The following CALN1 variants were observed in gnomAD, a reference collection of about 807,000 sequenced individuals.
CALN1 encodes the protein calcium-binding protein 8.
CALN1 carries 17 observed loss-of-function variants against 30.6 expected under a neutral mutation model. The observed-to-expected ratio is 0.56, with a 90% CI of 0.38 to 0.83. CALN1 has a LOEUF of 0.83. Among genes scored for constraint, CALN1 ranks in the 40% least tolerant of loss-of-function variants. The probability of loss-of-function intolerance (pLI) is 0.00; values close to 1 mark genes in which losing one functional copy is unlikely to be tolerated. For synonymous variants in CALN1, 156 were observed against 131.4 expected, an observed-to-expected ratio of 1.19 and a Z score of -1.28; for missense variants, 291 against 354.9, an observed-to-expected ratio of 0.82 and a Z score of 1.45.
intron 5 of CALN1, among the ~76,000 whole-genome samples, chr7:71,840,642 CTT>C (rs1789886087): frequency 6.6e-6 from 1 of 152,090 alleles, no homozygotes; most frequent in African/African-American, 2.4e-5. Context: ...GCTGGGCTCT[CTT>C]AGGCATTGAT....
chr7:71,906,342 C>G (rs1320921405), intron 5 of CALN1, among the ~76,000 whole-genome samples: 1 of 152,116 alleles, frequency 6.6e-6, no homozygotes, highest in Non-Finnish European at 1.5e-5. Flanking sequence ...GGGCCATGAG[C>G]CAGCAGGCAG....
chr7:72,262,164 C>CGCA (rs1796310274), intron 3 of CALN1, among the ~76,000 whole-genome samples: 1 of 152,154 alleles, frequency 6.6e-6, no homozygotes, highest in Non-Finnish European at 1.5e-5. Flanking sequence ...CCATCACCAC[C>CGCA]GCAGCTCCTA....
intron 4 of CALN1, among the ~76,000 whole-genome samples, chr7:72,100,757 T>C (rs1392336468): frequency 1.4e-5 from 2 of 146,570 alleles, no homozygotes; most frequent in Admixed American, 7.1e-5. Context: ...GAGGCGGAGC[T>C]TGCAGTGAGC....
chr7:71,984,392 C>T (rs766257115), intron 5 of CALN1, among the ~76,000 whole-genome samples: 41 of 152,160 alleles, frequency 2.7e-4, no homozygotes, highest in Non-Finnish European at 4.7e-4. Context: ...ATGAAATAAA[C>T]GGTAATTTGA....
chr7:71,997,813 T>G (rs1458871064), intron 5 of CALN1, among the ~76,000 whole-genome samples: 1 of 152,122 alleles, frequency 6.6e-6, no homozygotes, highest in Admixed American at 6.6e-5. Flanking sequence ...ATTTATGAAT[T>G]TAATTTTATT....
chr7:71,899,385 T>C lies in CALN1; in HGVS notation c.502-88893A>G, dbSNP rs947273974. Among the ~76,000 whole-genome samples the C allele has an allele frequency of 3.3e-5, 5 of 152,158 alleles. No homozygotes were observed. In the East Asian group the frequency reaches 9.7e-4, roughly 29 times the overall value. On this transcript the variant is annotated intron_variant, in intron 5 of 6. Transcript: ENST00000395275. Reference sequence around the variant, plus strand: ...CTCGAACTGCCGACCTCAGGTGATATGCCCACCTTGGCCTCCCAAAGTGCT... The same window carrying C: ...CTCGAACTGCCGACCTCAGGTGATACGCCCACCTTGGCCTCCCAAAGTGCT...
chr7:72,369,695 T>C (rs1006861900), intron 2 of CALN1, among the ~76,000 whole-genome samples: 12 of 152,154 alleles, frequency 7.9e-5, no homozygotes, highest in African/African-American at 2.4e-4. Context: ...AGAATTACCA[T>C]AGTTTGCATT....
chr7:72,120,034 G>C (rs954754988), intron 3 of CALN1, among the ~76,000 whole-genome samples: 8 of 152,076 alleles, frequency 5.3e-5, no homozygotes, highest in Admixed American at 3.9e-4. Context: ...GCTGAGGCTT[G>C]GGGCAAGAAT....
chr7:71,802,257 C>T (rs1787354375), intron 6 of CALN1, among the ~76,000 whole-genome samples: 1 of 152,070 alleles, frequency 6.6e-6, no homozygotes, highest in African/African-American at 2.4e-5. Context: ...TCCATAGATG[C>T]CAGCAACTGG....
intron 5 of CALN1, among the ~76,000 whole-genome samples, chr7:71,838,157 A>G (rs946349398): frequency 2.6e-5 from 4 of 152,210 alleles, no homozygotes; most frequent in Admixed American, 2.6e-4. Context: ...CTCTTCAAAA[A>G]AAGGAAAAAC....
At position 72,022,204 on chromosome 7, in the gene CALN1, T is replaced by C. The variant is rs557694598; in HGVS notation, c.501+1453A>G. ...CTGACCCTTCAAGACTGTATTTTCC[T>C]CCTTTCTTGCCCTTCCATTCATCTA... On this transcript the variant is annotated intron_variant, in intron 5 of 6. Coordinates refer to ENST00000395275, the MANE Select transcript of CALN1 (RefSeq NM_031468.4). Among the ~76,000 whole-genome samples the C allele has an allele frequency of 2.6e-5, 4 of 152,364 alleles. No homozygotes were observed. In the South Asian group the frequency reaches 8.3e-4, roughly 32 times the overall value.
At chr7:72,410,559 C>T (rs2129562907) in intron 1 of CALN1, among the ~76,000 whole-genome samples, 1 of 152,288 alleles carries the variant, frequency 6.6e-6, no homozygotes, top group East Asian at 1.9e-4. Context: ...CTGAAATGAG[C>T]TTTTCAAATC....
At chr7:72,466,805 G>T in the CALN1 span, among the ~76,000 whole-genome samples, 2 of 139,530 alleles carry the variant, frequency 1.4e-5, no homozygotes, top group African/African-American at 5.3e-5. Flanking sequence ...AGGAAAGGAA[G>T]AAAGGAAGAA....
chr7:72,115,707 C>T (rs982415724), intron 3 of CALN1, among the ~76,000 whole-genome samples: 1 of 151,810 alleles, frequency 6.6e-6, no homozygotes, highest in Non-Finnish European at 1.5e-5. Flanking sequence ...AGGCTGGTCT[C>T]AAACTCCTGG....
At chr7:72,261,484 G>A (rs978686720) in intron 3 of CALN1, among the ~76,000 whole-genome samples, 5 of 151,710 alleles carry the variant, frequency 3.3e-5, no homozygotes, top group Non-Finnish European at 1.5e-5. Context: ...AGTGGCTGGA[G>A]TGCGATCATA....
At chr7:72,465,669 C>T in the CALN1 span, among the ~76,000 whole-genome samples, 1 of 152,328 alleles carries the variant, frequency 6.6e-6, no homozygotes, top group African/African-American at 2.4e-5. Context: ...AAAGTACTAA[C>T]ATTATGCTAG....
At position 72,201,737 on chromosome 7, in the gene CALN1, TA is replaced by T. The variant is rs778266725; in HGVS notation, c.244+76948del. On this transcript the variant is annotated intron_variant, in intron 3 of 6. Transcript: ENST00000395275. ...ACCCATGTACAACCTTGAATCTGAT[TA>T]AAAAAAAAAAAAAAAAAAGCAGTAA... Among the ~76,000 whole-genome samples, 1,154 of 117,838 alleles carry T rather than the reference TA, an allele frequency of 9.8e-3. 9 individuals carry two copies. The highest frequency in any genetic ancestry group is 0.021 in the African/African-American group (647 of 31,068). The allele number at this position is 117,838 out of a possible 152,430, so 77.3% of individuals were successfully genotyped here. A position where few individuals can be genotyped will look rare whatever the true frequency, so the allele number is the denominator to read the frequency against.
chr7:72,016,995 A>C (rs767290668), intron 5 of CALN1, among the ~76,000 whole-genome samples: 1 of 138,602 alleles, frequency 7.2e-6, no homozygotes, highest in South Asian at 2.3e-4. Context: ...TTTACTAAAA[A>C]TACAAAAAAA....
chr7:72,291,918 T>C (rs1320426234), intron 2 of CALN1, among the ~76,000 whole-genome samples: 1 of 151,908 alleles, frequency 6.6e-6, no homozygotes, highest in East Asian at 1.9e-4. Flanking sequence ...GACCATATGT[T>C]GAAATTCTTA....
Sources: allele counts gnomAD v4.1 joint callset (sites outside exome capture counted in the v4.1 genomes callset), GRCh38; gene constraint gnomAD v4.1.1; transcripts MANE v1.5; gene names NCBI Gene and HGNC (gene_info 2026-07-23, HGNC 2026-07-21).